ATAD5: variants seen among roughly 807,000 people sequenced by gnomAD.
The protein encoded by ATAD5 is ATPase family AAA domain containing 5, also known as ATPase family AAA domain-containing protein 5.
A neutral mutation model predicts 176.9 loss-of-function variants in ATAD5; 58 were observed. The ratio of observed to expected loss-of-function variants is 0.33; its 90% CI spans 0.27 to 0.41. The LOEUF is 0.41. Among genes scored for constraint, ATAD5 ranks in the 10% least tolerant of loss-of-function variants. The probability of loss-of-function intolerance (pLI) is 1.00; values close to 1 mark genes in which losing one functional copy is unlikely to be tolerated. For synonymous variants in ATAD5, 640 were observed against 712.6 expected (o/e 0.90, Z 1.62); for missense variants, 1,789 against 2,094.1 (o/e 0.85, Z 2.84).
At position 30,892,544 on chromosome 17, in the gene ATAD5, A is replaced by G. The variant is rs566346741; in HGVS notation, c.4259-63A>G. On this transcript the variant is annotated intron_variant, in intron 19 of 22. Coordinates refer to ENST00000321990, the MANE Select transcript of ATAD5 (RefSeq NM_024857.5). ...GATGTCAAAGGATCTCAGGCTTTAAATAATTGTTTGATACAATTTGTTTAA... is the reference window on the plus strand; with the variant it reads ...GATGTCAAAGGATCTCAGGCTTTAAGTAATTGTTTGATACAATTTGTTTAA... 52 of 1,196,828 alleles carry G rather than the reference A, an allele frequency of 4.3e-5. No individual in the cohort carries two copies. In the African/African-American group the frequency reaches 7.4e-4, roughly 17 times the overall value. The allele number at this position is 1,196,828 out of a possible 1,614,324, so 74.1% of individuals were successfully genotyped here. A position where few individuals can be genotyped will look rare whatever the true frequency, so the allele number is the denominator to read the frequency against.
intron 14 of ATAD5, among the ~76,000 whole-genome samples, chr17:30,871,015 C>T (rs1382719160): frequency 6.6e-6 from 1 of 151,812 alleles, no homozygotes; most frequent in Non-Finnish European, 1.5e-5. Context: ...TTTCCTTTGG[C>T]AACTCCAGTT....
intron 6 of ATAD5, among the ~76,000 whole-genome samples, chr17:30,845,987 T>C (rs1456123774): frequency 6.6e-6 from 1 of 152,198 alleles, no homozygotes; most frequent in African/African-American, 2.4e-5. Flanking sequence ...TTAGATTATC[T>C]TTTTTTCTGT....
Position 30,832,396 on chromosome 17 carries a change from A to T in ATAD5, c.49A>T (p.Lys17Ter). 1 of 1,562,652 alleles carries T rather than the reference A, an allele frequency of 6.4e-7. No individual in the cohort carries two copies. The highest frequency in any genetic ancestry group is 8.7e-7 in the Non-Finnish European group (1 of 1,153,522). The stretch of plus-strand genomic sequence containing the variant: ...GGCTGCAGCTGCTCCGCCTCCCGTG[A>T]AGGACTGCGAGATTGAGGTGAGGTT... ...MAAAAAPPPV[K>*]DCEIEPCKKR... Residue 17 changes from lysine (K) to a stop codon, truncating the protein, a stop_gained, in exon 1 of 23, where the codon AAG becomes TAG. Coordinates refer to ENST00000321990, the MANE Select transcript of ATAD5 (RefSeq NM_024857.5). LOFTEE classifies it high-confidence loss of function.
chr17:30,892,696 G>T lies in ATAD5; in HGVS notation c.4348G>T (p.Asp1450Tyr). ...YPKNTKKKRVDLPKCDSGCAE... is the reference protein window; with the variant it reads ...YPKNTKKKRVYLPKCDSGCAE... ...TAAAAATACTAAAAAGAAACGTGTA[G>T]ACCTTCCAAAATGTGACAGTGGCTG... Residue 1450 changes from aspartate to tyrosine, a missense_variant, in exon 20 of 23, where the codon GAC becomes TAC. This residue lies in a region of ATAD5 where 403 missense variants were observed against 495.1 expected (regional missense o/e 0.81). Coordinates refer to ENST00000321990, the MANE Select transcript of ATAD5 (RefSeq NM_024857.5). 6.2e-7 allele frequency: 1 copy of T among 1,607,204 alleles called. No homozygotes were observed. Among genetic ancestry groups the T allele is most frequent in the Non-Finnish European group, 8.5e-7 (1 of 1,176,982 alleles).
chr17:30,839,112 G>T (rs1329017060), intron 3 of ATAD5, among the ~76,000 whole-genome samples: 1 of 152,036 alleles, frequency 6.6e-6, no homozygotes, highest in East Asian at 1.9e-4. Flanking sequence ...TGGTATTCAG[G>T]CATGAGCCAC....
chr17:30,840,934 C>T (rs1392527892), intron 4 of ATAD5, among the ~76,000 whole-genome samples, 153 bp downstream of exon 4: 2 of 151,944 alleles, frequency 1.3e-5, no homozygotes, highest in African/African-American at 4.8e-5. Flanking sequence ...TAAAAGCCTT[C>T]TGCTTTTTTT....
intron 20 of ATAD5, among the ~76,000 whole-genome samples, chr17:30,893,001 G>T (rs1909718719): frequency 6.6e-6 from 1 of 152,104 alleles, no homozygotes. Context: ...ATAGCATTTA[G>T]AAAATTTTTC....
At position 30,834,680 on chromosome 17, in the gene ATAD5, A is replaced by C. The variant is rs766428559; in HGVS notation, c.599A>C (p.Asn200Thr). The change falls in exon 2 of 23, where the codon AAT becomes ACT. Residue 200 changes from asparagine to threonine, a missense_variant. By Grantham distance (65) the Asn-to-Thr change is moderately conservative. Transcript: ENST00000321990. ...AATCCTAAACAAGGGACCACAAAAAATGACTTCAAAAAGTTGAGAAAAAGG... is the reference window on the plus strand; with the variant it reads ...AATCCTAAACAAGGGACCACAAAAACTGACTTCAAAAAGTTGAGAAAAAGG... ...KVNPKQGTTK[N>T]DFKKLRKRKC... 4.3e-5 allele frequency: 69 copies of C among 1,610,112 alleles called. 2 individuals are homozygous for C. In the South Asian group the frequency reaches 7.4e-4, roughly 17 times the overall value.
intron 3 of ATAD5, among the ~76,000 whole-genome samples, chr17:30,840,147 G>A (rs1427281910): frequency 6.8e-6 from 1 of 146,362 alleles, no homozygotes; most frequent in Non-Finnish European, 1.5e-5. Flanking sequence ...GCACTGAGCC[G>A]AGATCATGCC....
At chr17:30,881,215 C>A (rs1349394825) in intron 18 of ATAD5, among the ~76,000 whole-genome samples, 1 of 151,188 alleles carries the variant, frequency 6.6e-6, no homozygotes, top group African/African-American at 2.4e-5. Context: ...TTGAGGCCAA[C>A]AGTTCCAGGC....
Position 30,894,123 on chromosome 17 carries a change from A to G in ATAD5, c.5270A>G (p.Tyr1757Cys), listed in dbSNP as rs1567703047. Residue 1757 changes from tyrosine to cysteine, a missense_variant, in exon 21 of 23, where the codon TAC (tyrosine) becomes TGC (cysteine). Physicochemically the swap from Tyr to Cys is radical, Grantham distance 194. Coordinates refer to ENST00000321990, the MANE Select transcript of ATAD5 (RefSeq NM_024857.5). ...GTTTCACAAAAGCGCAATAATGTAT[A>G]CTTTAGTCAGTCAGCAGCTAATTTA... Reference protein sequence around the residue: ...FYVSQKRNNVYFSQSAANLDN... With the variant: ...FYVSQKRNNVCFSQSAANLDN... 2 of 1,570,118 alleles carry G rather than the reference A, an allele frequency of 1.3e-6. No homozygotes were observed. Among genetic ancestry groups the G allele is most frequent in the Non-Finnish European group, 1.7e-6 (2 of 1,156,572 alleles).
At chr17:30,879,401 T>TTGTGTG in intron 17 of ATAD5, 22 bp from the exon 18 acceptor site, 1 of 1,352,292 alleles carries the variant, frequency 7.4e-7, no homozygotes, top group Non-Finnish European at 1.0e-6. Context: ...TTTTTTTTTT[T>TTGTGTG]TGTGTGTGTG....
At chr17:30,892,241 ATGGTGAAACCC>A (rs1410577061) in intron 19 of ATAD5, among the ~76,000 whole-genome samples, 9 of 151,822 alleles carry the variant, frequency 5.9e-5, no homozygotes, top group Admixed American at 5.9e-4. Context: ...CCTGGCCAAC[ATGGTGAAACCC>A]TGTCTCTACT....
intron 6 of ATAD5, among the ~76,000 whole-genome samples, chr17:30,851,547 C>G (rs1015693728): frequency 6.6e-6 from 1 of 151,588 alleles, no homozygotes; most frequent in Non-Finnish European, 1.5e-5. Flanking sequence ...TGGCTCACAC[C>G]TGTAATCCCA....
rs1170389933 is a variant in ATAD5, at chr17:30,894,215, T to C, written c.5297+65T>C. 7 of 1,310,104 alleles carry C rather than the reference T, an allele frequency of 5.3e-6. No homozygotes were observed. The East Asian group carries it at 7.2e-5, about 13-fold the overall frequency. The allele number at this position is 1,310,104 out of a possible 1,614,324, so 81.2% of individuals were successfully genotyped here. The stretch of plus-strand genomic sequence containing the variant: ...AATCGTAAAGGGGAAATCAATAGAG[T>C]TTTTTCTTAATTTAAAAATGCTGTA... On this transcript the variant is annotated intron_variant, in intron 21 of 22. Coordinates refer to ENST00000321990, the MANE Select transcript of ATAD5 (RefSeq NM_024857.5).
rs920561570 is a variant in ATAD5, at chr17:30,832,183, A to G, written c.-165A>G. 7.0e-5 allele frequency: 31 copies of G among 441,412 alleles called. No individual in the cohort carries two copies. The highest frequency in any genetic ancestry group is 1.1e-4 in the Non-Finnish European group (28 of 252,476). 27.3% of individuals were successfully genotyped at this position (441,412 alleles called of 1,614,324 possible). Reference sequence around the variant, plus strand: ...TGTTCGATTCGGCTGATCTGGGCCCAGCCTCCGCTCCCGCTCTCTGTCGGT... The same window carrying G: ...TGTTCGATTCGGCTGATCTGGGCCCGGCCTCCGCTCCCGCTCTCTGTCGGT... On this transcript the variant is annotated 5_prime_UTR_variant, in exon 1 of 23. Coordinates refer to ENST00000321990, the MANE Select transcript of ATAD5 (RefSeq NM_024857.5).
At chr17:30,853,696 T>G (rs756568593) in intron 6 of ATAD5, among the ~76,000 whole-genome samples, 1 of 152,198 alleles carries the variant, frequency 6.6e-6, no homozygotes, top group Non-Finnish European at 1.5e-5. Flanking sequence ...ATATAAGCTG[T>G]GACACACCAT....
intron 18 of ATAD5, among the ~76,000 whole-genome samples, chr17:30,879,979 G>A (rs1233694792): frequency 6.6e-6 from 1 of 151,682 alleles, no homozygotes; most frequent in Non-Finnish European, 1.5e-5. Context: ...AGCTGAAATT[G>A]TGCCACTGTA....
intron 17 of ATAD5, among the ~76,000 whole-genome samples, chr17:30,878,722 T>TG (rs1908819657): frequency 6.4e-5 from 5 of 77,752 alleles, no homozygotes; most frequent in Admixed American, 2.8e-4. Context: ...GGTGGTGTTT[T>TG]TTTTTTTTTT....
Sources: allele counts gnomAD v4.1 joint callset (sites outside exome capture counted in the v4.1 genomes callset), GRCh38; gene constraint gnomAD v4.1.1; regional missense constraint gnomAD v4.1.1; transcripts MANE v1.5; gene names NCBI Gene and HGNC (gene_info 2026-07-23, HGNC 2026-07-21).